KCNQ2: variants seen among roughly 807,000 people sequenced by gnomAD.
KCNQ2 encodes the protein potassium voltage-gated channel subfamily Q member 2, also known as potassium voltage-gated channel subfamily KQT member 2.
KCNQ2 carries 14 observed loss-of-function variants against 84.8 expected under a neutral mutation model. The observed-to-expected ratio is 0.17, with a 90% CI of 0.11 to 0.26. The LOEUF (loss-of-function observed/expected upper bound fraction) is 0.26. Ranked by LOEUF, KCNQ2 falls within the 10% of genes least tolerant of loss-of-function variation. The pLI, the probability that KCNQ2 is intolerant of heterozygous loss-of-function variation, is 1.00. For synonymous variants in KCNQ2, 599 were observed against 554.1 expected (o/e 1.08, Z -1.14); for missense variants, 788 against 1,254.0 (o/e 0.63, Z 5.61).
At chr20:63,456,097 T>C (rs1600833445) in intron 1 of KCNQ2, among the ~76,000 whole-genome samples, 1 of 102,244 alleles carries the variant, frequency 9.8e-6, no homozygotes, top group African/African-American at 4.0e-5. Context: ...GGGAGGCCCC[T>C]CTGCCCACGG....
intron 15 of KCNQ2, chr20:63,412,174 G>C (rs1347277979): frequency 5.3e-6 from 2 of 378,926 alleles, no homozygotes. Context: ...CGCAGCAGGA[G>C]CCGGTACCAG....
chr20:63,442,366 A>G (rs1256029777), intron 5 of KCNQ2, 40 bp downstream of exon 5: 13 of 1,613,658 alleles, frequency 8.1e-6, no homozygotes, highest in South Asian at 6.6e-5. Flanking sequence ...ACAGGGGTGT[A>G]TCAGCAGGGA....
At chr20:63,455,412 G>A (rs1434452980) in intron 1 of KCNQ2, among the ~76,000 whole-genome samples, 1 of 152,136 alleles carries the variant, frequency 6.6e-6, no homozygotes, top group African/African-American at 2.4e-5. Flanking sequence ...GCGGGCGTCG[G>A]CTGGGGCTCA....
In KCNQ2 at chr20:63,414,148, G is replaced by A; in HGVS notation, c.1571C>T (p.Pro524Leu). The change falls in exon 14 of 17, where the codon CCC (proline) becomes CTC (leucine). Residue 524 changes from proline to leucine, a missense_variant. Pro to Leu is a moderately conservative substitution (Grantham distance 98). Around this residue, in one of 8 missense-constraint regions of KCNQ2, gnomAD observed 202 missense variants for 239.4 expected, o/e 0.84. Transcript: ENST00000359125. This position sits in a 1 kb window ranked among gnomAD's most constrained non-coding sequence, Gnocchi z 6.6. ...CAGGTCCTCGGTCACAAACTCGCAGGGGCAGCTCTTGTCATCCACAATGTC... is the reference window on the plus strand; with the variant it reads ...CAGGTCCTCGGTCACAAACTCGCAGAGGCAGCTCTTGTCATCCACAATGTC... ...GEDIVDDKSCPCEFVTEDLTP... is the reference protein window; with the variant it reads ...GEDIVDDKSCLCEFVTEDLTP... The A allele has an allele frequency of 6.2e-7, 1 of 1,613,760 alleles. No homozygotes were observed. The highest frequency in any genetic ancestry group is 8.5e-7 in the Non-Finnish European group (1 of 1,179,962).
chr20:63,468,665 G>C (rs1196244543), intron 1 of KCNQ2, among the ~76,000 whole-genome samples: 1 of 152,248 alleles, frequency 6.6e-6, no homozygotes, highest in Non-Finnish European at 1.5e-5. Context: ...CCCAGGGCCA[G>C]AGGCCCCTAA....
intron 11 of KCNQ2, among the ~76,000 whole-genome samples, chr20:63,420,925 C>T (rs932537849): frequency 1.3e-5 from 2 of 152,174 alleles, no homozygotes; most frequent in Non-Finnish European, 2.9e-5. Context: ...AGGGAGCCGG[C>T]TCCCTGCGCC....
chr20:63,462,238 C>T (rs1394501167), intron 1 of KCNQ2, among the ~76,000 whole-genome samples: 2 of 143,122 alleles, frequency 1.4e-5, no homozygotes, highest in African/African-American at 2.6e-5. Flanking sequence ...CCCCAGGCAG[C>T]AGGGAGGAGG....
At chr20:63,421,915 C>G (rs1451599368) in intron 11 of KCNQ2, among the ~76,000 whole-genome samples, 1 of 152,184 alleles carries the variant, frequency 6.6e-6, no homozygotes, top group African/African-American at 2.4e-5. Flanking sequence ...GACTCCAGCA[C>G]AGCCCCAGTG....
chr20:63,443,331 CCAT>C (rs1350760919), intron 4 of KCNQ2, among the ~76,000 whole-genome samples: 11 of 90,432 alleles, frequency 1.2e-4, no homozygotes, highest in South Asian at 3.7e-4. Context: ...ACCACCATCA[CCAT>C]CACCACCATC....
intron 1 of KCNQ2, among the ~76,000 whole-genome samples, chr20:63,455,401 C>T (rs1191103080): frequency 1.3e-5 from 2 of 152,116 alleles, no homozygotes; most frequent in African/African-American, 2.4e-5. Context: ...ACACCTGGAC[C>T]GCGGGCGTCG....
At chr20:63,455,221 G>T (rs549507309) in intron 1 of KCNQ2, among the ~76,000 whole-genome samples, 1 of 152,316 alleles carries the variant, frequency 6.6e-6, no homozygotes, top group South Asian at 2.1e-4. Flanking sequence ...AAAGGGTTTC[G>T]AAGCTAATTA....
rs896633554 is a variant in KCNQ2 at position 63,412,191 on chromosome 20, C to T, written c.1763+1259G>A. On this transcript the variant is annotated intron_variant, in intron 15 of 16. Coordinates refer to ENST00000359125, the MANE Select transcript of KCNQ2 (RefSeq NM_172107.4). ...CAGCAGGAGCCGGTACCAGACAGGCCGCGGCGGGGCAACGGGAAACGCATT... is the reference window on the plus strand; with the variant it reads ...CAGCAGGAGCCGGTACCAGACAGGCTGCGGCGGGGCAACGGGAAACGCATT... 9 of 306,762 alleles carry T rather than the reference C, an allele frequency of 2.9e-5. No individual in the cohort carries two copies. In the East Asian group the frequency reaches 3.1e-4, roughly 10 times the overall value. The allele number at this position is 306,762 out of a possible 1,614,324, so 19.0% of individuals were successfully genotyped here.
At position 63,414,043 on chromosome 20, in the gene KCNQ2, G is replaced by GC. The variant is rs1476128021; in HGVS notation, c.1631+44dup. On this transcript the variant is annotated intron_variant, in intron 14 of 16. Transcript: ENST00000359125. The surrounding 1 kb of genome is among the most constrained non-coding windows in gnomAD (Gnocchi z 6.6). ...AGCAGGCAGGACCACCGAGCGGGAG[G>GC]CCCCTCCTCACTCCCCCAGGCTCCC... 7.0e-7 allele frequency: 1 copy of GC among 1,428,372 alleles called. No individual in the cohort carries two copies. Among genetic ancestry groups the GC allele is most frequent in the African/African-American group, 1.4e-5 (1 of 71,356 alleles). The allele number at this position is 1,428,372 out of a possible 1,614,324, so 88.5% of individuals were successfully genotyped here. A position where few individuals can be genotyped will look rare whatever the true frequency, so the allele number is the denominator to read the frequency against.
chr20:63,428,638 A>C (rs1385621840), intron 9 of KCNQ2, among the ~76,000 whole-genome samples: 1 of 152,094 alleles, frequency 6.6e-6, no homozygotes, highest in East Asian at 1.9e-4. Flanking sequence ...AGCCATCTTC[A>C]TTCTCTGGCT....
At chr20:63,454,663 C>G (rs138288385) in intron 1 of KCNQ2, among the ~76,000 whole-genome samples, 3 of 152,368 alleles carry the variant, frequency 2.0e-5, no homozygotes, top group African/African-American at 7.2e-5. Context: ...ACACTCATGC[C>G]CATCTTAGAG....
chr20:63,401,260 T>A lies in KCNQ2; in HGVS notation c.*5384A>T, dbSNP rs1601526621. ...TCCTCCTCCACCGTTGCCCACAACC[T>A]CCCCCGGCGATGTCACCTCCTCCCA... On this transcript the variant is annotated 3_prime_UTR_variant, in exon 17 of 17. Coordinates refer to ENST00000359125, the MANE Select transcript of KCNQ2 (RefSeq NM_172107.4). 2.2e-5 allele frequency: 4 copies of A among 181,722 alleles called. No individual in the cohort carries two copies. Among genetic ancestry groups the A allele is most frequent in the Non-Finnish European group, 3.4e-5 (3 of 88,202 alleles). The allele number at this position is 181,722 out of a possible 1,614,324, so 11.3% of individuals were successfully genotyped here.
chr20:63,427,844 G>A (rs1459977604), intron 10 of KCNQ2, among the ~76,000 whole-genome samples: 2 of 152,180 alleles, frequency 1.3e-5, no homozygotes, highest in African/African-American at 2.4e-5. Flanking sequence ...CCCCACCAAG[G>A]GCTTTCAGAC....
chr20:63,455,328 A>C (rs2081750435), intron 1 of KCNQ2, among the ~76,000 whole-genome samples: 1 of 152,214 alleles, frequency 6.6e-6, no homozygotes, highest in African/African-American at 2.4e-5. Flanking sequence ...GCAAAGAGTC[A>C]AGGTGGGGGC....
rs745786719 is a variant in KCNQ2, at chr20:63,408,753, C to T, written c.1764-217G>A. Among the ~76,000 whole-genome samples, 9 of 152,216 alleles carry T rather than the reference C, an allele frequency of 5.9e-5. No homozygotes were observed. Among genetic ancestry groups the T allele is most frequent in the African/African-American group, 9.6e-5 (4 of 41,454 alleles). ...GAGGTTCTGCTCCTGCCCGCTCTGT[C>T]CCCAAGGGGCCTGGCACATTAGCGA... On this transcript the variant is annotated intron_variant, in intron 15 of 16. Coordinates refer to ENST00000359125, the MANE Select transcript of KCNQ2 (RefSeq NM_172107.4). The surrounding 1 kb of genome is among the most constrained non-coding windows in gnomAD (Gnocchi z 5.0).
Sources: gnomAD v4.1 joint callset for allele counts (sites outside exome capture counted in the v4.1 genomes callset) on GRCh38, gnomAD v4.1.1 for gene constraint, gnomAD v4.1.1 regional missense constraint, Gnocchi (gnomAD v3.1) non-coding constraint, MANE v1.5 for transcripts, NCBI Gene and HGNC (gene_info 2026-07-23, HGNC 2026-07-21) for gene names.